MAML2: variants seen among roughly 807,000 people sequenced by gnomAD.
MAML2 encodes the protein mastermind-like protein 2.
MAML2 carries 22 observed loss-of-function variants against 96.1 expected under a neutral mutation model. The observed-to-expected ratio is 0.23, with a 90% CI of 0.16 to 0.33. The LOEUF is 0.33. Ranked by LOEUF, MAML2 falls within the 10% of genes least tolerant of loss-of-function variation. MAML2 has a pLI of 1.00. For missense variants in MAML2, 1,367 were observed against 1,392.4 expected (o/e 0.98, Z 0.29); for synonymous variants, 561 against 521.3 (o/e 1.08, Z -1.04).
rs141770040 is a variant in MAML2 at position 96,313,105 on chromosome 11, A to G, written c.513+28278T>C. 2.1e-4 allele frequency among the ~76,000 whole-genome samples: 32 copies of G among 152,308 alleles called. No individual in the cohort carries two copies. In the East Asian group the frequency reaches 5.6e-3, roughly 27 times the overall value. On this transcript the variant is annotated intron_variant, in intron 1 of 4. Transcript: ENST00000524717. ...TGTGCATCAACTCAGTCTCACAACCATCTAATCGTCATTATCCCTCTTGCA... is the reference window on the plus strand; with the variant it reads ...TGTGCATCAACTCAGTCTCACAACCGTCTAATCGTCATTATCCCTCTTGCA...
intron 1 of MAML2, among the ~76,000 whole-genome samples, chr11:96,203,526 G>A (rs1861854437): frequency 6.6e-6 from 1 of 152,136 alleles, no homozygotes; most frequent in Non-Finnish European, 1.5e-5. Flanking sequence ...TTAGATATAA[G>A]TCAGCCGGCA....
At chr11:96,323,783 G>A (rs368862494) in intron 1 of MAML2, among the ~76,000 whole-genome samples, 1 of 152,146 alleles carries the variant, frequency 6.6e-6, no homozygotes, top group Non-Finnish European at 1.5e-5. Context: ...GGCAGATGTC[G>A]ACAATGAACC....
intron 2 of MAML2, among the ~76,000 whole-genome samples, chr11:96,078,282 T>G (rs533261139): frequency 1.3e-5 from 2 of 152,348 alleles, no homozygotes; most frequent in Non-Finnish European, 2.9e-5. Flanking sequence ...GAATGTAATA[T>G]TCTAGAAATC....
intron 2 of MAML2, among the ~76,000 whole-genome samples, chr11:96,006,752 G>A (rs1208007346): frequency 6.6e-6 from 1 of 151,192 alleles, no homozygotes; most frequent in Non-Finnish European, 1.5e-5. Context: ...TAGAGATGGG[G>A]TTTCACCATG....
intron 1 of MAML2, among the ~76,000 whole-genome samples, chr11:96,266,414 C>CA (rs1350595734): frequency 1.3e-5 from 2 of 151,648 alleles, no homozygotes; most frequent in Non-Finnish European, 2.9e-5. Flanking sequence ...ACTAAAAATA[C>CA]AAAAAAATTA....
chr11:96,076,639 C>T (rs1859444632), intron 2 of MAML2, among the ~76,000 whole-genome samples: 6 of 152,158 alleles, frequency 3.9e-5, no homozygotes, highest in Admixed American at 3.3e-4. Flanking sequence ...GGTTCTCACA[C>T]ATTTGCCTCT....
At chr11:96,321,043 TGTAGAAAGACACACTCATC>T (rs1250391205) in intron 1 of MAML2, among the ~76,000 whole-genome samples, 1 of 151,364 alleles carries the variant, frequency 6.6e-6, no homozygotes, top group African/African-American at 2.5e-5. Flanking sequence ...ATAGGGTTTG[TGTAGAAAGACACACTCATC>T]ATTTAGCTGG....
At chr11:96,009,557 A>C (rs1858236464) in intron 2 of MAML2, among the ~76,000 whole-genome samples, 1 of 152,200 alleles carries the variant, frequency 6.6e-6, no homozygotes, top group Non-Finnish European at 1.5e-5. Flanking sequence ...GTGGTGAATA[A>C]CTTCCAGTCA....
At chr11:96,228,292 T>C (rs1444439523) in intron 1 of MAML2, among the ~76,000 whole-genome samples, 1 of 152,186 alleles carries the variant, frequency 6.6e-6, no homozygotes, top group Non-Finnish European at 1.5e-5. Context: ...ATCACCAGGC[T>C]GGATTCTTGG....
chr11:96,062,855 G>T (rs539350017), intron 2 of MAML2, among the ~76,000 whole-genome samples: 7 of 152,080 alleles, frequency 4.6e-5, no homozygotes, highest in Admixed American at 4.6e-4. Flanking sequence ...AACTTCTGCC[G>T]CCATGAGATT....
intron 1 of MAML2, among the ~76,000 whole-genome samples, chr11:96,227,706 G>C (rs915386150): frequency 6.6e-6 from 1 of 152,218 alleles, no homozygotes; most frequent in Non-Finnish European, 1.5e-5. Flanking sequence ...GTTTAAATGA[G>C]AAAAGGCATA....
chr11:96,227,266 C>T (rs1195586161), intron 1 of MAML2, among the ~76,000 whole-genome samples: 2 of 152,126 alleles, frequency 1.3e-5, no homozygotes, highest in Non-Finnish European at 2.9e-5. Context: ...TCATAGTTTC[C>T]TTCTAATAGG....
At chr11:96,211,494 A>T (rs1861971145) in intron 1 of MAML2, among the ~76,000 whole-genome samples, 1 of 152,030 alleles carries the variant, frequency 6.6e-6, no homozygotes, top group Non-Finnish European at 1.5e-5. Context: ...ATGAGCTCAA[A>T]GTCTGTTGGG....
chr11:96,037,405 C>T (rs911187700), intron 2 of MAML2, among the ~76,000 whole-genome samples: 8 of 152,146 alleles, frequency 5.3e-5, no homozygotes, highest in African/African-American at 1.2e-4. Context: ...ACATGCATTT[C>T]GAGACAAACA....
intron 2 of MAML2, among the ~76,000 whole-genome samples, chr11:96,078,237 T>A (rs1859474654): frequency 6.6e-6 from 1 of 152,228 alleles, no homozygotes; most frequent in African/African-American, 2.4e-5. Context: ...CCTGGCTCAA[T>A]CAGTGTACAC....
chr11:96,314,565 C>T (rs1000222229), intron 1 of MAML2, among the ~76,000 whole-genome samples: 6 of 152,216 alleles, frequency 3.9e-5, no homozygotes, highest in Non-Finnish European at 5.9e-5. Context: ...GCATTTTACA[C>T]GGTGGCATTG....
At chr11:96,147,299 C>A (rs546922376) in intron 1 of MAML2, among the ~76,000 whole-genome samples, 3 of 152,164 alleles carry the variant, frequency 2.0e-5, no homozygotes, top group African/African-American at 7.2e-5. Flanking sequence ...GCTTTAGATA[C>A]AATCTAGGTC....
At chr11:96,068,059 T>C (rs567966048) in intron 2 of MAML2, among the ~76,000 whole-genome samples, 2 of 152,322 alleles carry the variant, frequency 1.3e-5, no homozygotes, top group Admixed American at 6.5e-5. Flanking sequence ...CCTCACCCAC[T>C]GACATTTCTG....
At chr11:96,035,589 G>A (rs937610365) in intron 2 of MAML2, among the ~76,000 whole-genome samples, 2 of 152,198 alleles carry the variant, frequency 1.3e-5, no homozygotes, top group Admixed American at 6.5e-5. Context: ...CTTTGTAGAG[G>A]AAACTTCAGA....
Sources: allele counts gnomAD v4.1 joint callset (sites outside exome capture counted in the v4.1 genomes callset), GRCh38; gene constraint gnomAD v4.1.1; transcripts MANE v1.5; gene names NCBI Gene and HGNC (gene_info 2026-07-23, HGNC 2026-07-21).